Variants in PIGU observed in about 807,000 individuals in gnomAD.
PIGU encodes GPI-anchor transamidase component PIGU.
A neutral mutation model predicts 49.9 loss-of-function variants in PIGU; 24 were observed. That is an observed-to-expected ratio of 0.48 (90% CI 0.35 to 0.68). The LOEUF is 0.68. Among genes scored for constraint, PIGU ranks in the 30% least tolerant of loss-of-function variants. The pLI is 0.01. For synonymous variants in PIGU, 220 were observed against 205.7 expected, an observed-to-expected ratio of 1.07 and a Z score of -0.59; for missense variants, 490 against 532.6, an observed-to-expected ratio of 0.92 and a Z score of 0.79.
chr20:34,668,382 A>G (rs184292669), intron 1 of PIGU, among the ~76,000 whole-genome samples: 154 of 145,206 alleles, frequency 1.1e-3, no homozygotes, highest in African/African-American at 3.7e-3. Flanking sequence ...GAATCTCCTG[A>G]ATCTGGGAGG....
chr20:34,625,569 G>A (rs1407339345), intron 6 of PIGU, among the ~76,000 whole-genome samples: 1 of 151,882 alleles, frequency 6.6e-6, no homozygotes, highest in African/African-American at 2.4e-5. Flanking sequence ...ACTTTGGAAG[G>A]CTGAGGCAGG....
chr20:34,668,485 G>A (rs6142218), intron 1 of PIGU, among the ~76,000 whole-genome samples: 9 of 98,766 alleles, frequency 9.1e-5, no homozygotes, highest in African/African-American at 1.3e-4. Flanking sequence ...AAAAAAAAAG[G>A]GGGGGGCGGG....
intron 1 of PIGU, among the ~76,000 whole-genome samples, chr20:34,661,878 A>G (rs1986937890): frequency 6.6e-6 from 1 of 152,006 alleles, no homozygotes; most frequent in Admixed American, 6.6e-5. Context: ...GCCAGCATCT[A>G]TTATTTTTTG....
chr20:34,635,641 C>T (rs1264764035), intron 5 of PIGU, among the ~76,000 whole-genome samples: 5 of 151,992 alleles, frequency 3.3e-5, no homozygotes, highest in East Asian at 3.9e-4. Flanking sequence ...TTTGGGAGGC[C>T]GACACAGGCA....
intron 9 of PIGU, among the ~76,000 whole-genome samples, chr20:34,583,698 A>G (rs1425230767): frequency 6.6e-6 from 1 of 152,214 alleles, no homozygotes; most frequent in African/African-American, 2.4e-5. Context: ...GAACAAGGAC[A>G]GGGAAGGTGG....
rs565299441 is a variant in PIGU at position 34,623,189 on chromosome 20, A to G, written c.530-7050T>C. ...ACCAAGACAGGCAGAAACGCACTGG[A>G]ATGTAGTCAAAAGGGCTCAGGTCCC... On this transcript the variant is annotated intron_variant, in intron 6 of 11. Coordinates refer to ENST00000217446, the MANE Select transcript of PIGU (RefSeq NM_080476.5). 4.0e-5 allele frequency among the ~76,000 whole-genome samples: 6 copies of G among 151,772 alleles called. No individual in the cohort carries two copies. The South Asian group carries it at 1.2e-3, about 32-fold the overall frequency.
intron 7 of PIGU, among the ~76,000 whole-genome samples, chr20:34,611,038 C>CGAG (rs1298220022): frequency 1.1e-4 from 16 of 152,138 alleles, no homozygotes; most frequent in Non-Finnish European, 2.1e-4. Flanking sequence ...TTTGTTACAC[C>CGAG]TTATACAAAA....
At chr20:34,581,475 AT>A (rs1983459666) in intron 10 of PIGU, 72 bp downstream of exon 10, 1 of 1,570,542 alleles carries the variant, frequency 6.4e-7, no homozygotes, top group Admixed American at 1.8e-5. Context: ...ATGCCTATGA[AT>A]TCCTTTTCCC....
At chr20:34,569,531 T>C (rs988452212) in intron 11 of PIGU, among the ~76,000 whole-genome samples, 1 of 152,130 alleles carries the variant, frequency 6.6e-6, no homozygotes, top group Admixed American at 6.6e-5. Context: ...GCAACCGGCC[T>C]ACTAAAATAA....
intron 8 of PIGU, among the ~76,000 whole-genome samples, chr20:34,587,351 G>A (rs1003700173): frequency 1.3e-5 from 2 of 151,048 alleles, no homozygotes; most frequent in Admixed American, 6.6e-5. Flanking sequence ...GAGTTTTGTC[G>A]GGGGGGTTTT....
At chr20:34,620,003 C>T (rs535168577) in intron 6 of PIGU, among the ~76,000 whole-genome samples, 1 of 152,294 alleles carries the variant, frequency 6.6e-6, no homozygotes, top group East Asian at 1.9e-4. Flanking sequence ...TTGCTCTTGT[C>T]ATCTCTCTCC....
intron 10 of PIGU, among the ~76,000 whole-genome samples, chr20:34,576,729 C>CTCCTGTCTCAGCCTCCTGAGTAGCTGGA (rs1397519099): frequency 3.9e-5 from 6 of 152,180 alleles, no homozygotes; most frequent in Non-Finnish European, 5.9e-5. Flanking sequence ...TCCAGGGATC[C>CTCCTGTCTCAGCCTCCTGAGTAGCTGGA]TCCTGTCTCA....
At chr20:34,599,315 T>C (rs1270132380) in intron 7 of PIGU, among the ~76,000 whole-genome samples, 2 of 151,898 alleles carry the variant, frequency 1.3e-5, no homozygotes, top group Non-Finnish European at 2.9e-5. Flanking sequence ...TAGCAAGGCA[T>C]GGTGGCACGC....
chr20:34,591,360 G>C (rs555261855), intron 7 of PIGU, among the ~76,000 whole-genome samples: 45 of 152,210 alleles, frequency 3.0e-4, no homozygotes, highest in African/African-American at 1.1e-3. Flanking sequence ...AGACAAATTA[G>C]TAATCAAATA....
chr20:34,581,779 C>T, intron 9 of PIGU, 107 bp from the exon 10 acceptor site: 1 of 1,381,978 alleles, frequency 7.2e-7, no homozygotes. Context: ...CAGGGGACTT[C>T]AGGAAGGGGC....
chr20:34,635,488 T>C (rs1244078040), intron 5 of PIGU, among the ~76,000 whole-genome samples: 1 of 152,212 alleles, frequency 6.6e-6, no homozygotes, highest in Non-Finnish European at 1.5e-5. Flanking sequence ...AGAAAATGAA[T>C]TCAAAATGTT....
intron 11 of PIGU, among the ~76,000 whole-genome samples, chr20:34,567,453 T>C (rs1398468418): frequency 1.3e-5 from 2 of 152,110 alleles, no homozygotes; most frequent in Non-Finnish European, 2.9e-5. Context: ...ATGGCACTTT[T>C]CCCACATTCA....
At chr20:34,574,094 T>G (rs1055618476) in intron 11 of PIGU, among the ~76,000 whole-genome samples, 6 of 152,194 alleles carry the variant, frequency 3.9e-5, no homozygotes, top group African/African-American at 1.2e-4. Context: ...GCTGTGCCAA[T>G]GGCAATTGAA....
At chr20:34,644,042 G>T in intron 4 of PIGU, 122 bp downstream of exon 4, 3 of 890,918 alleles carry the variant, frequency 3.4e-6, no homozygotes, top group Non-Finnish European at 5.3e-6. Flanking sequence ...CAGGCCAGAA[G>T]TTTCACCATC....
Sources: allele counts gnomAD v4.1 joint callset (sites outside exome capture counted in the v4.1 genomes callset), GRCh38; gene constraint gnomAD v4.1.1; transcripts MANE v1.5; gene names NCBI Gene and HGNC (gene_info 2026-07-23, HGNC 2026-07-21).